Variants in VPS13A observed in about 807,000 individuals in gnomAD.
VPS13A encodes vacuolar protein sorting 13 homolog A.
In VPS13A, 264 loss-of-function variants were observed where a neutral mutation model predicts 390.9. That is an observed-to-expected ratio of 0.68 (90% CI 0.61 to 0.75). The LOEUF (loss-of-function observed/expected upper bound fraction) is 0.75. Among genes scored for constraint, VPS13A ranks in the 30% least tolerant of loss-of-function variants. The probability of loss-of-function intolerance (pLI) is 0.00; values close to 1 mark genes in which losing one functional copy is unlikely to be tolerated. For missense variants in VPS13A, 3,409 were observed against 3,733.9 expected, an observed-to-expected ratio of 0.91 and a Z score of 2.27; for synonymous variants, 1,231 against 1,227.1, an observed-to-expected ratio of 1.00 and a Z score of -0.07.
At chr9:77,228,967 A>G (rs532314897) in intron 17 of VPS13A, among the ~76,000 whole-genome samples, 1 of 152,328 alleles carries the variant, frequency 6.6e-6, no homozygotes, top group African/African-American at 2.4e-5. Flanking sequence ...ATCTCCCACC[A>G]GGTCCCTCCC....
chr9:77,317,648 G>A lies in VPS13A; in HGVS notation c.4906G>A (p.Gly1636Ser), dbSNP rs1829477909. ...CDLFYQTTQK[G>S]TDPQVIDMSV... ...CTTGTTTTATCAAACTACTCAGAAAGGTACAGATCCACAAGTGATCGATAT... is the reference window on the plus strand; with the variant it reads ...CTTGTTTTATCAAACTACTCAGAAAAGTACAGATCCACAAGTGATCGATAT... Residue 1636 changes from glycine (G) to serine (S), a missense_variant, in exon 40 of 72, where the codon GGT (glycine) becomes AGT (serine). Physicochemically the swap from Gly to Ser is moderately conservative, Grantham distance 56. This residue lies in a region of VPS13A where 2,717 missense variants were observed against 2,917.4 expected (regional missense o/e 0.93). Coordinates refer to ENST00000360280, the MANE Select transcript of VPS13A (RefSeq NM_033305.3). 6.2e-7 allele frequency: 1 copy of A among 1,602,372 alleles called. No homozygotes were observed. Among genetic ancestry groups the A allele is most frequent in the African/African-American group, 1.3e-5 (1 of 74,716 alleles).
At chr9:77,304,152 T>C (rs1828568160) in intron 34 of VPS13A, among the ~76,000 whole-genome samples, 1 of 152,190 alleles carries the variant, frequency 6.6e-6, no homozygotes, top group Non-Finnish European at 1.5e-5. Context: ...CCCAGGTTTA[T>C]TGAGACTAGA....
At chr9:77,264,102 C>G (rs1320549527) in intron 23 of VPS13A, among the ~76,000 whole-genome samples, 1 of 151,970 alleles carries the variant, frequency 6.6e-6, no homozygotes, top group Non-Finnish European at 1.5e-5. Flanking sequence ...TCAGATGGTT[C>G]TAGATGTGTG....
intron 31 of VPS13A, among the ~76,000 whole-genome samples, chr9:77,289,065 C>T (rs1207422900): frequency 2.0e-5 from 3 of 152,034 alleles, no homozygotes; most frequent in Admixed American, 6.6e-5. Context: ...CTTTTTCTGT[C>T]CTTTAGCTTT....
At chr9:77,245,839 A>G (rs1001209320) in intron 19 of VPS13A, among the ~76,000 whole-genome samples, 7 of 152,178 alleles carry the variant, frequency 4.6e-5, no homozygotes, top group African/African-American at 1.4e-4. Flanking sequence ...TATTTGTTTC[A>G]TGGTTCTACA....
intron 44 of VPS13A, among the ~76,000 whole-genome samples, chr9:77,322,407 A>T (rs1829799831): frequency 6.6e-6 from 1 of 151,986 alleles, no homozygotes; most frequent in African/African-American, 2.4e-5. Flanking sequence ...GGAGGGCATC[A>T]TTTAAAAGAT....
rs568720253 is a variant in VPS13A at position 77,252,930 on chromosome 9, T to C, written c.2288+578T>C. Among the ~76,000 whole-genome samples, 11 of 152,358 alleles carry C rather than the reference T, an allele frequency of 7.2e-5. No homozygotes were observed. The South Asian group carries it at 2.3e-3, about 32-fold the overall frequency. On this transcript the variant is annotated intron_variant, in intron 22 of 71. Transcript: ENST00000360280. Reference sequence around the variant, plus strand: ...TGTTGTTAATGCTGTTTGGCTGTTGTAATAATGCTGCTGTGTACAAATATC... The same window carrying C: ...TGTTGTTAATGCTGTTTGGCTGTTGCAATAATGCTGCTGTGTACAAATATC...
At position 77,226,485 on chromosome 9, in the gene VPS13A, A is replaced by C. The variant is rs543265752; in HGVS notation, c.1244A>C (p.Lys415Thr). The change falls in exon 15 of 72, where the codon AAA becomes ACA. Residue 415 changes from lysine to threonine, a missense_variant. Lys to Thr is a moderately conservative substitution (Grantham distance 78). This residue lies in a region of VPS13A where 2,717 missense variants were observed against 2,917.4 expected (regional missense o/e 0.93). Coordinates refer to ENST00000360280, the MANE Select transcript of VPS13A (RefSeq NM_033305.3). ...TTTTAGGTAAAGAAAGCTGGATACA[A>C]AATTTACAAAGAAGGAGTAAAAGAT... ...AEVEVKKAGY[K>T]IYKEGVKDPE... 25 of 1,611,544 alleles carry C rather than the reference A, an allele frequency of 1.6e-5. No individual in the cohort carries two copies. The South Asian group carries it at 2.7e-4, about 18-fold the overall frequency.
At chr9:77,232,281 C>CT (rs199881313) in intron 17 of VPS13A, among the ~76,000 whole-genome samples, 1,789 of 152,284 alleles carry the variant, frequency 0.012, 22 homozygotes, top group South Asian at 0.028. Context: ...TGAGGATTCA[C>CT]TTTTCCATTT....
chr9:77,290,967 CCTTG>C (rs1353006037), intron 31 of VPS13A, among the ~76,000 whole-genome samples: 2 of 151,896 alleles, frequency 1.3e-5, no homozygotes, highest in African/African-American at 4.8e-5. Context: ...GAATTTTTTC[CCTTG>C]CTTTTATAGG....
intron 22 of VPS13A, 133 bp downstream of exon 22, chr9:77,252,485 T>C (rs1825199804): frequency 1.2e-6 from 1 of 816,674 alleles, no homozygotes; most frequent in African/African-American, 1.7e-5. Context: ...GTGTGTGTGG[T>C]AAAATGTATA....
chr9:77,273,486 G>A, intron 24 of VPS13A, 122 bp downstream of exon 24: 1 of 737,926 alleles, frequency 1.4e-6, no homozygotes, highest in Non-Finnish European at 2.2e-6. Context: ...TAAAATCTAG[G>A]TTCTTGACTG....
chr9:77,401,525 A>G (rs1563992902), intron 68 of VPS13A, among the ~76,000 whole-genome samples: 1 of 152,042 alleles, frequency 6.6e-6, no homozygotes, highest in Non-Finnish European at 1.5e-5. Context: ...TATTTATTAA[A>G]CTTACATGTA....
At position 77,308,059 on chromosome 9, in the gene VPS13A, A is replaced by G. The variant is rs753843789; in HGVS notation, c.4075A>G (p.Thr1359Ala). Reference protein sequence around the residue: ...PAVTKDQYSATSGVTTNASHH... With the variant: ...PAVTKDQYSAASGVTTNASHH... ...TGTAACAAAAGACCAATACAGTGCC[A>G]CTAGTGGAGTTACTACTAATGCTTC... is the stretch of plus-strand genomic sequence containing the variant. The change falls in exon 35 of 72, where the codon ACT becomes GCT. Residue 1359 changes from threonine (T) to alanine (A), a missense_variant. This residue lies in a region of VPS13A where 2,717 missense variants were observed against 2,917.4 expected (regional missense o/e 0.93). Transcript: ENST00000360280. 4.3e-6 allele frequency: 7 copies of G among 1,614,006 alleles called. No individual in the cohort carries two copies. The Admixed American group carries it at 8.3e-5, about 19-fold the overall frequency.
chr9:77,304,943 T>C (rs1216341657), intron 34 of VPS13A, among the ~76,000 whole-genome samples: 4 of 109,974 alleles, frequency 3.6e-5, no homozygotes, highest in Non-Finnish European at 5.9e-5. Context: ...ACTTTTTTTC[T>C]TTTTTTTTTT....
chr9:77,406,195 A>C (rs957791988), intron 70 of VPS13A, among the ~76,000 whole-genome samples: 1 of 151,544 alleles, frequency 6.6e-6, no homozygotes, highest in Admixed American at 6.6e-5. Context: ...GTGCTATTGC[A>C]CTGACAATAA....
intron 71 of VPS13A, among the ~76,000 whole-genome samples, chr9:77,411,459 C>T (rs1039679189): frequency 2.6e-5 from 4 of 151,772 alleles, no homozygotes; most frequent in South Asian, 2.1e-4. Flanking sequence ...GTCAGGAGAT[C>T]GACACCATCC....
At chr9:77,351,174 A>G in intron 52 of VPS13A, 143 bp from the exon 53 acceptor site, 2 of 1,034,848 alleles carry the variant, frequency 1.9e-6, no homozygotes, top group South Asian at 3.0e-5. Context: ...TTAATTGTAT[A>G]AGGTAAGAAT....
intron 45 of VPS13A, 113 bp downstream of exon 45, chr9:77,323,340 A>G (rs1587581645): frequency 7.7e-7 from 1 of 1,293,750 alleles, no homozygotes; most frequent in East Asian, 2.5e-5. Flanking sequence ...TAACAGTAAT[A>G]CAGCTGATAT....
Sources: allele counts gnomAD v4.1 joint callset (sites outside exome capture counted in the v4.1 genomes callset), GRCh38; gene constraint gnomAD v4.1.1; regional missense constraint gnomAD v4.1.1; transcripts MANE v1.5; gene names NCBI Gene and HGNC (gene_info 2026-07-23, HGNC 2026-07-21).